Variants in PCF11 observed in about 807,000 individuals in gnomAD.
PCF11 encodes the protein PCF11 cleavage and polyadenylation factor subunit, also known as pre-mRNA cleavage complex 2 protein Pcf11.
A neutral mutation model predicts 166.1 loss-of-function variants in PCF11; 19 were observed. That is an observed-to-expected ratio of 0.11 (90% CI 0.08 to 0.17). The LOEUF (loss-of-function observed/expected upper bound fraction) is 0.17. Ranked by LOEUF, PCF11 falls within the 10% of genes least tolerant of loss-of-function variation. The probability of loss-of-function intolerance (pLI) is 1.00; values close to 1 mark genes in which losing one functional copy is unlikely to be tolerated. For synonymous variants in PCF11, 663 were observed against 644.1 expected (o/e 1.03, Z -0.44); for missense variants, 1,565 against 1,855.5 (o/e 0.84, Z 2.88).
exon 5 of PCF11, chr11:83,166,049 G>C (rs773696151): frequency 6.2e-7 from 1 of 1,601,240 alleles, no homozygotes; most frequent in South Asian, 1.1e-5. Context: ...CAAAAGACTT[G>C]AAAAATCAAG....
At chr11:83,176,532 T>A (rs558143628) in intron 9 of PCF11, among the ~76,000 whole-genome samples, 1 of 152,312 alleles carries the variant, frequency 6.6e-6, no homozygotes, top group South Asian at 2.1e-4. Context: ...TCATGTCCTT[T>A]GCAGGGACAT....
At chr11:83,181,593 C>A (rs1233002844) in intron 12 of PCF11, among the ~76,000 whole-genome samples, 3 of 143,840 alleles carry the variant, frequency 2.1e-5, no homozygotes, top group African/African-American at 8.3e-5. Context: ...GGCTCTAGGA[C>A]TGTTTTTTGT....
intron 4 of PCF11, among the ~76,000 whole-genome samples, chr11:83,165,357 A>G (rs1341788339): frequency 6.6e-6 from 1 of 152,276 alleles, no homozygotes; most frequent in South Asian, 2.1e-4. Context: ...ATTTTTTTTC[A>G]TTCTATTTAG....
exon 5 of PCF11, chr11:83,165,786 C>T (rs1014260457): frequency 6.2e-7 from 1 of 1,612,650 alleles, no homozygotes; most frequent in Non-Finnish European, 8.5e-7. Context: ...TAACCGGGAT[C>T]CTCGTCTGAA....
chr11:83,161,168 T>C (rs1860238212), intron 1 of PCF11, among the ~76,000 whole-genome samples, 159 bp from the exon 2 acceptor site: 1 of 152,218 alleles, frequency 6.6e-6, no homozygotes, highest in African/African-American at 2.4e-5. Flanking sequence ...TTGTGAGAGT[T>C]GAGAGCTTGA....
chr11:83,157,417 C>T (rs778782665), exon 1 of PCF11: 22 of 1,600,530 alleles, frequency 1.4e-5, no homozygotes, highest in Non-Finnish European at 1.9e-5. Context: ...CTGCAGCGGA[C>T]CTCGGAGGGG....
Position 83,167,442 on chromosome 11 carries a change from A to G in PCF11, c.2029A>G (p.Ile677Val). The G allele has an allele frequency of 6.2e-7, 1 of 1,605,242 alleles. No homozygotes were observed. Among genetic ancestry groups the G allele is most frequent in the Non-Finnish European group, 8.5e-7 (1 of 1,177,016 alleles). ...GAGTGAACGTTTAGCATCTGGTGAA[A>G]TTACACAGGATGACTTCCTTGTTGT... The change falls in exon 7 of 16, where the codon ATT (isoleucine) becomes GTT (valine). Residue 677 changes from isoleucine to valine, a missense_variant. By Grantham distance (29) the Ile-to-Val change is conservative. Around this residue, in one of 12 missense-constraint regions of PCF11, gnomAD observed 26 missense variants for 63.3 expected, o/e 0.41. Coordinates refer to ENST00000298281, the Ensembl canonical transcript of PCF11. The surrounding 1 kb of genome is among the most constrained non-coding windows in gnomAD (Gnocchi z 4.2).
At chr11:83,158,282 A>G (rs1860074700) in intron 1 of PCF11, 1 of 124,706 alleles carries the variant, frequency 8.0e-6, no homozygotes, top group Non-Finnish European at 1.6e-5. Context: ...TTATTCTCCT[A>G]TTGGAGGGTC....
intron 13 of PCF11, 55 bp from the exon 14 acceptor site, chr11:83,182,344 A>C: frequency 2.2e-6 from 2 of 899,588 alleles, no homozygotes; most frequent in Non-Finnish European, 3.6e-6. Flanking sequence ...TTTTTACTTA[A>C]TGGGGTTAAA....
rs2135425223 is a variant in PCF11, at chr11:83,167,340, CATT to C, written c.2001+35_2001+37del. 6.4e-7 allele frequency: 1 copy of C among 1,559,530 alleles called. No homozygotes were observed. The highest frequency in any genetic ancestry group is 2.3e-5 in the East Asian group (1 of 44,146). On this transcript the variant is annotated intron_variant, in intron 6 of 15. Coordinates refer to ENST00000298281, the Ensembl canonical transcript of PCF11. This position sits in a 1 kb window ranked among gnomAD's most constrained non-coding sequence, Gnocchi z 4.2. Reference sequence around the variant, plus strand: ...ACTATGATTAATCCCATGTAGTCATCATTATCTATCGTCTATTTTTTTGGTATT... The same window carrying C: ...ACTATGATTAATCCCATGTAGTCATCATCTATCGTCTATTTTTTTGGTATT...
In PCF11 at chr11:83,184,840, C is replaced by T. The variant is rs1861221091; in HGVS notation, c.4614C>T (p.Ser1538=). Residue 1538 remains serine (S), a synonymous_variant, in exon 16 of 16, where the codon AGC becomes AGT. Coordinates refer to ENST00000298281, the Ensembl canonical transcript of PCF11. ...CACCACCAGCTTGTACAGAGGAAAGCATAGCAACACCCTCTGAAATTAAAA... is the reference window on the plus strand; with the variant it reads ...CACCACCAGCTTGTACAGAGGAAAGTATAGCAACACCCTCTGAAATTAAAA... 1.3e-6 allele frequency: 2 copies of T among 1,583,726 alleles called. 1 individual carries two copies. The highest frequency in any genetic ancestry group is 2.7e-5 in the African/African-American group (2 of 72,860).
chr11:83,183,088 GT>G lies in PCF11; in HGVS notation c.4452+17del. On this transcript the variant is annotated intron_variant, in intron 15 of 15. Transcript: ENST00000298281. Reference sequence around the variant, plus strand: ...ATTATCAAAATGTAAGTTCTTTTTGGTTACTGTATTTGTTCTCATTTGCATT... The same window carrying G: ...ATTATCAAAATGTAAGTTCTTTTTGGTACTGTATTTGTTCTCATTTGCATT... 1 of 1,411,940 alleles carries G rather than the reference GT, an allele frequency of 7.1e-7. No homozygotes were observed. Among genetic ancestry groups the G allele is most frequent in the Non-Finnish European group, 9.8e-7 (1 of 1,023,056 alleles). The allele number at this position is 1,411,940 out of a possible 1,614,324, so 87.5% of individuals were successfully genotyped here. A position where few individuals can be genotyped will look rare whatever the true frequency, so the allele number is the denominator to read the frequency against.
chr11:83,167,271 A>C lies in PCF11; in HGVS notation c.1964A>C (p.Glu655Ala). 1 of 1,613,532 alleles carries C rather than the reference A, an allele frequency of 6.2e-7. No individual in the cohort carries two copies. The highest frequency in any genetic ancestry group is 8.5e-7 in the Non-Finnish European group (1 of 1,179,606). Residue 655 changes from glutamate to alanine, a missense_variant, in exon 6 of 16, where the codon GAG becomes GCG. Coordinates refer to ENST00000298281, the Ensembl canonical transcript of PCF11. The surrounding 1 kb of genome is among the most constrained non-coding windows in gnomAD (Gnocchi z 4.2). ...GATGCCAATCTTCAGATTCCTAAAG[A>C]GTTAACTCTTGCAAGCAAAAGAGAA...
At position 83,164,191 on chromosome 11, in the gene PCF11, T is replaced by C. The variant is rs147117085; in HGVS notation, c.508-16T>C. 7.1e-5 allele frequency: 112 copies of C among 1,575,002 alleles called. No individual in the cohort carries two copies. In the African/African-American group the frequency reaches 1.3e-3, roughly 19 times the overall value. ...AGCTGATACGTTTTTCTTAAACAAATTGTCTTTTCTTATAGCCCGAGGAGC... is the reference window on the plus strand; with the variant it reads ...AGCTGATACGTTTTTCTTAAACAAACTGTCTTTTCTTATAGCCCGAGGAGC... On this transcript the variant is annotated splice_polypyrimidine_tract_variant and intron_variant, in intron 3 of 15. Transcript: ENST00000298281.
In PCF11 at chr11:83,169,798, C is replaced by T; in HGVS notation, c.3463C>T (p.His1155Tyr). The change falls in exon 8 of 16, where the codon CAT (histidine) becomes TAT (tyrosine). Residue 1155 changes from histidine (H) to tyrosine (Y), a missense_variant. Transcript: ENST00000298281. ...ATCCCAAGGACTACAGTTCCAAAGACATGAACAAATATTTGATTCACCTCA... is the reference window on the plus strand; with the variant it reads ...ATCCCAAGGACTACAGTTCCAAAGATATGAACAAATATTTGATTCACCTCA... The T allele has an allele frequency of 1.2e-6, 2 of 1,613,650 alleles. No individual in the cohort carries two copies. Among genetic ancestry groups the T allele is most frequent in the Non-Finnish European group, 1.7e-6 (2 of 1,179,628 alleles).
At chr11:83,182,122 C>A in intron 13 of PCF11, 113 bp downstream of exon 13, 2 of 915,894 alleles carry the variant, frequency 2.2e-6, no homozygotes, top group South Asian at 2.2e-5. Context: ...GATTTTAAGA[C>A]TTCTTGAAAG....
chr11:83,185,139 T>C (rs1319167989), exon 16 of PCF11: 1 of 349,260 alleles, frequency 2.9e-6, no homozygotes, highest in Non-Finnish European at 5.1e-6. Flanking sequence ...TGAAATTGTA[T>C]GTGTAAAAAT....
intron 1 of PCF11, among the ~76,000 whole-genome samples, chr11:83,161,017 T>G (rs76830905): frequency 0.015 from 2,319 of 152,266 alleles, 46 homozygotes; most frequent in African/African-American, 0.048. Flanking sequence ...TTCCCTCGCC[T>G]CCTCCTTATT....
exon 16 of PCF11, chr11:83,186,240 T>C (rs1861287122): frequency 6.6e-6 from 1 of 152,200 alleles, no homozygotes; most frequent in Non-Finnish European, 1.5e-5. Flanking sequence ...ACAAAAGTGG[T>C]GACATTTGAG....
Sources: gnomAD v4.1 joint callset for allele counts (sites outside exome capture counted in the v4.1 genomes callset) on GRCh38, gnomAD v4.1.1 for gene constraint, gnomAD v4.1.1 regional missense constraint, Gnocchi (gnomAD v3.1) non-coding constraint, MANE v1.5 for transcripts, NCBI Gene and HGNC (gene_info 2026-07-23, HGNC 2026-07-21) for gene names.